Variants in SLC12A1 observed in about 807,000 individuals in gnomAD.
SLC12A1 encodes the protein Na-K-2Cl cotransporter.
A neutral mutation model predicts 130.4 loss-of-function variants in SLC12A1; 89 were observed. The observed-to-expected ratio is 0.68, with a 90% CI of 0.58 to 0.81. The LOEUF (loss-of-function observed/expected upper bound fraction) is 0.81, where lower values mean the gene tolerates loss of function less well. SLC12A1 is among the 40% of genes least tolerant of loss of function. The pLI is 0.00. For synonymous variants in SLC12A1, 499 were observed against 460.0 expected (o/e 1.08, Z -1.09); for missense variants, 1,310 against 1,336.4 (o/e 0.98, Z 0.31).
chr15:48,265,740 A>ATATAT (rs1566847500), intron 17 of SLC12A1, among the ~76,000 whole-genome samples: 1 of 152,194 alleles, frequency 6.6e-6, no homozygotes, highest in Admixed American at 6.5e-5. Flanking sequence ...TGCTGGAAAA[A>ATATAT]ATAAGAATAT....
intron 2 of SLC12A1, among the ~76,000 whole-genome samples, chr15:48,214,733 G>T (rs1424769492): frequency 6.6e-6 from 1 of 151,924 alleles, no homozygotes; most frequent in Non-Finnish European, 1.5e-5. Context: ...ACTGGGATTG[G>T]TTTTTAGATA....
At chr15:48,224,486 G>A (rs965496475) in intron 4 of SLC12A1, 11 of 152,166 alleles carry the variant, frequency 7.2e-5, no homozygotes, top group South Asian at 2.1e-4. Flanking sequence ...CAATTAAATC[G>A]TAGAGAGGTG....
At chr15:48,277,050 C>T (rs757403629) in intron 20 of SLC12A1, among the ~76,000 whole-genome samples, 9 of 152,066 alleles carry the variant, frequency 5.9e-5, no homozygotes, top group Non-Finnish European at 8.8e-5. Flanking sequence ...ATCAGATGAA[C>T]AAGCAGAGAA....
chr15:48,302,887 A>G lies in SLC12A1; in HGVS notation c.*2A>G. Reference sequence around the variant, plus strand: ...AATGTCTTGACATTTTACTCTTAAAACATGAAAGATTGGAATACATTTTAA... The same window carrying G: ...AATGTCTTGACATTTTACTCTTAAAGCATGAAAGATTGGAATACATTTTAA... On this transcript the variant is annotated 3_prime_UTR_variant, in exon 27 of 27. Transcript: ENST00000380993. 1.2e-6 allele frequency: 2 copies of G among 1,600,182 alleles called. No homozygotes were observed. Among genetic ancestry groups the G allele is most frequent in the Non-Finnish European group, 1.7e-6 (2 of 1,168,326 alleles).
chr15:48,261,500 T>C (rs1366375225), intron 17 of SLC12A1, among the ~76,000 whole-genome samples: 3 of 152,190 alleles, frequency 2.0e-5, no homozygotes, highest in Non-Finnish European at 4.4e-5. Flanking sequence ...CAAGGTTCTC[T>C]TGGGGACAGA....
intron 16 of SLC12A1, 139 bp from the exon 17 acceptor site, chr15:48,259,061 T>C: frequency 1.6e-6 from 1 of 606,732 alleles, no homozygotes; most frequent in Admixed American, 2.9e-5. Flanking sequence ...TCAAGAATAC[T>C]GGTGCGAAAC....
At chr15:48,221,595 GATA>G in intron 4 of SLC12A1, 1 of 440,918 alleles carries the variant, frequency 2.3e-6, no homozygotes, top group Non-Finnish European at 4.0e-6. Context: ...ATGAAAAATG[GATA>G]ATAATGACAT....
At chr15:48,281,024 G>C (rs371578968) in intron 20 of SLC12A1, among the ~76,000 whole-genome samples, 5 of 152,128 alleles carry the variant, frequency 3.3e-5, no homozygotes, top group African/African-American at 1.2e-4. Context: ...ATGGGTCCAG[G>C]TAATAAACGG....
intron 17 of SLC12A1, among the ~76,000 whole-genome samples, chr15:48,260,210 A>G (rs977853322): frequency 3.9e-5 from 6 of 151,922 alleles, no homozygotes; most frequent in Non-Finnish European, 8.8e-5. Flanking sequence ...GGTTATGGTG[A>G]GTCAAGATCA....
intron 15 of SLC12A1, among the ~76,000 whole-genome samples, 160 bp from the exon 16 acceptor site, chr15:48,255,651 G>A (rs1474466875): frequency 6.6e-6 from 1 of 152,174 alleles, no homozygotes; most frequent in African/African-American, 2.4e-5. Context: ...GATACAAAGT[G>A]CTTTTTAGGA....
At chr15:48,237,228 G>A (rs1207723146) in intron 9 of SLC12A1, 4 of 556,464 alleles carry the variant, frequency 7.2e-6, no homozygotes, top group Non-Finnish European at 1.3e-5. Context: ...ACGGACATTT[G>A]AAACAGAAGG....
Position 48,258,360 on chromosome 15 carries a change from CAAAAAAA to C in SLC12A1, c.2043-820_2043-814del, listed in dbSNP as rs35613910. Among the ~76,000 whole-genome samples the C allele has an allele frequency of 3.0e-4, 9 of 30,246 alleles. 1 individual carries two copies. The East Asian group carries it at 6.9e-3, about 23-fold the overall frequency. The allele number at this position is 30,246 out of a possible 152,430, so 19.8% of individuals were successfully genotyped here. Reference sequence around the variant, plus strand: ...TGGGCGACAGAGCGAGACTCCGTCTCAAAAAAAAAAAAAAAAAAAAAAAAAAGAGTGA... The same window carrying C: ...TGGGCGACAGAGCGAGACTCCGTCTCAAAAAAAAAAAAAAAAAAAGAGTGA... On this transcript the variant is annotated intron_variant, in intron 16 of 26. Coordinates refer to ENST00000380993, the MANE Select transcript of SLC12A1 (RefSeq NM_000338.3).
At chr15:48,293,860 C>T (rs1330581306) in intron 24 of SLC12A1, among the ~76,000 whole-genome samples, 1 of 151,680 alleles carries the variant, frequency 6.6e-6, no homozygotes, top group Non-Finnish European at 1.5e-5. Flanking sequence ...GCCTAGGCAA[C>T]ATAGCAAGAC....
chr15:48,269,103 T>C lies in SLC12A1; in HGVS notation c.2296-555T>C, dbSNP rs188535238. On this transcript the variant is annotated intron_variant, in intron 18 of 26. Coordinates refer to ENST00000380993, the MANE Select transcript of SLC12A1 (RefSeq NM_000338.3). ...TTGATTAACTGGAAGCTGTATGCTG[T>C]CATCTAATGAAGGGAAACAACACTT... Among the ~76,000 whole-genome samples the C allele has an allele frequency of 2.4e-3, 370 of 152,318 alleles. 2 individuals carry two copies. Among genetic ancestry groups the C allele is most frequent in the African/African-American group, 8.7e-3 (361 of 41,574 alleles).
At chr15:48,223,487 G>A (rs2041242461) in intron 4 of SLC12A1, 1 of 152,152 alleles carries the variant, frequency 6.6e-6, no homozygotes, top group South Asian at 2.1e-4. Flanking sequence ...ATAAAACTTT[G>A]TTCCAAGATT....
intron 4 of SLC12A1, chr15:48,222,611 T>C (rs1176732763): frequency 6.6e-6 from 1 of 152,192 alleles, no homozygotes; most frequent in Non-Finnish European, 1.5e-5. Context: ...TCTTTTCTTT[T>C]TTTAATTCTC....
At position 48,246,953 on chromosome 15, in the gene SLC12A1, A is replaced by G. The variant is rs2041589524; in HGVS notation, c.1497A>G (p.Gly499=). 6.2e-7 allele frequency: 1 copy of G among 1,613,946 alleles called. No homozygotes were observed. Among genetic ancestry groups the G allele is most frequent in the Non-Finnish European group, 8.5e-7 (1 of 1,179,874 alleles). Residue 499 remains glycine, a synonymous_variant, in exon 12 of 27, where the codon GGA becomes GGG. Transcript: ENST00000380993. The stretch of plus-strand genomic sequence containing the variant: ...GGTTCGGCCCCCTCATCACTGCGGG[A>G]ATCTTTTCTGCAACACTCTCCTCCG... ...VSGFGPLITA[G]IFSATLSSAL... is the part of the protein sequence containing the mutation.
intron 6 of SLC12A1, among the ~76,000 whole-genome samples, chr15:48,229,723 A>G (rs534602979): frequency 6.6e-6 from 1 of 152,362 alleles, no homozygotes; most frequent in East Asian, 1.9e-4. Context: ...GATTTCTAAA[A>G]GGAAAGAAAG....
chr15:48,289,173 GAAT>G (rs1263675009), intron 23 of SLC12A1, among the ~76,000 whole-genome samples: 6 of 151,350 alleles, frequency 4.0e-5, no homozygotes, highest in Non-Finnish European at 8.8e-5. Flanking sequence ...CCAGTTGTGA[GAAT>G]AATAAGCATG....
Sources: allele counts gnomAD v4.1 joint callset (sites outside exome capture counted in the v4.1 genomes callset), GRCh38; gene constraint gnomAD v4.1.1; transcripts MANE v1.5; gene names NCBI Gene and HGNC (gene_info 2026-07-23, HGNC 2026-07-21).